Variants in NACA2 observed in about 807,000 individuals in gnomAD.
NACA2 encodes the protein nascent polypeptide associated complex subunit alpha 2, also known as nascent polypeptide-associated complex subunit alpha-2.
NACA2 carries 9 observed loss-of-function variants against 15.6 expected under a neutral mutation model. The ratio of observed to expected loss-of-function variants is 0.58; its 90% CI spans 0.35 to 1.00. The LOEUF (loss-of-function observed/expected upper bound fraction) is 1.00. Among genes scored for constraint, NACA2 ranks in the 50% least tolerant of loss-of-function variants. The probability of loss-of-function intolerance (pLI) is 0.02; values close to 1 mark genes in which losing one functional copy is unlikely to be tolerated. For synonymous variants in NACA2, 111 were observed against 100.5 expected (o/e 1.10, Z -0.62); for missense variants, 258 against 257.5 (o/e 1.00, Z -0.01).
Position 61,590,544 on chromosome 17 carries a change from AT to A in NACA2, c.636del (p.Glu212AspfsTer2). On this transcript the variant is annotated frameshift_variant, in exon 1 of 1. Transcript: ENST00000521764. LOFTEE classifies it high-confidence loss of function. ...NSNDIVNAIM[E>X]LTV ...TTGCTTTCAGATGGTTACACTGTTA[AT>A]TCCATAATCGCATTTACAATATCAT... is the stretch of plus-strand genomic sequence containing the variant. The A allele has an allele frequency of 6.2e-7, 1 of 1,614,238 alleles. No individual in the cohort carries two copies. Among genetic ancestry groups the A allele is most frequent in the Non-Finnish European group, 8.5e-7 (1 of 1,180,044 alleles).
Position 61,590,875 on chromosome 17 carries a change from G to A in NACA2, c.306C>T (p.Ile102=), listed in dbSNP as rs182692533. ...CGTCCAGTTTTGTGATGACAAAGAGGATATTCTTAGATTTCCAGATAGTGA... is the reference window on the plus strand; with the variant it reads ...CGTCCAGTTTTGTGATGACAAAGAGAATATTCTTAGATTTCCAGATAGTGA... The part of the protein sequence containing the change: ...TRVTIWKSKN[I]LFVITKLDVY... Residue 102 remains isoleucine (I), a synonymous_variant, in exon 1 of 1, where the codon ATC becomes ATT. Transcript: ENST00000521764. 1 of 1,614,074 alleles carries A rather than the reference G, an allele frequency of 6.2e-7. No homozygotes were observed. The highest frequency in any genetic ancestry group is 1.3e-5 in the African/African-American group (1 of 75,038).
rs371084031 is a variant in NACA2, at chr17:61,591,218, A to T, written c.-38T>A. The T allele has an allele frequency of 3.8e-4, 610 of 1,613,494 alleles. No individual in the cohort carries two copies. The highest frequency in any genetic ancestry group is 4.6e-4 in the Non-Finnish European group (547 of 1,180,036). ...ACGCGGAAGCAAGATGGCGGCAGAA[A>T]GAGCGCGAGCGAGAGCGTGACCCAC... On this transcript the variant is annotated 5_prime_UTR_variant, in exon 1 of 1. Coordinates refer to ENST00000521764, the MANE Select transcript of NACA2 (RefSeq NM_199290.4).
rs745394073 is a variant in NACA2, at chr17:61,590,890, C to G, written c.291G>C (p.Trp97Cys). 15 of 1,614,196 alleles carry G rather than the reference C, an allele frequency of 9.3e-6. No individual in the cohort carries two copies. Among genetic ancestry groups the G allele is most frequent in the Non-Finnish European group, 1.3e-5 (15 of 1,180,044 alleles). The change falls in exon 1 of 1, where the codon TGG becomes TGC. Residue 97 changes from tryptophan to cysteine, a missense_variant. Coordinates refer to ENST00000521764, the MANE Select transcript of NACA2 (RefSeq NM_199290.4). Reference protein sequence around the residue: ...QVTGVTRVTIWKSKNILFVIT... With the variant: ...QVTGVTRVTICKSKNILFVIT... ...TGACAAAGAGGATATTCTTAGATTT[C>G]CAGATAGTGACTCTAGTAACTCCTG...
chr17:61,590,594 A>C lies in NACA2; in HGVS notation c.587T>G (p.Val196Gly), dbSNP rs772715534. 6.2e-7 allele frequency: 1 copy of C among 1,614,064 alleles called. No homozygotes were observed. The highest frequency in any genetic ancestry group is 1.7e-5 in the Admixed American group (1 of 60,002). Residue 196 changes from valine (V) to glycine (G), a missense_variant, in exon 1 of 1, where the codon GTC becomes GGC. Val to Gly is a moderately radical substitution (Grantham distance 109). Coordinates refer to ENST00000521764, the MANE Select transcript of NACA2 (RefSeq NM_199290.4). ...SQANVSRAKA[V>G]RALKNNSNDI... is the part of the protein sequence containing the mutation. ...ATTACTGTTGTTCTTCAGAGCTCGG[A>C]CTGCCTTTGCTCTCGACACATTTGC...
Position 61,590,920 on chromosome 17 carries a change from C to T in NACA2, c.261G>A (p.Gln87=). The change falls in exon 1 of 1, where the codon CAG becomes CAA. Residue 87 remains glutamine (Q), a synonymous_variant. Transcript: ENST00000521764. ...RKAMSKLGLL[Q]VTGVTRVTIW... The stretch of plus-strand genomic sequence containing the variant: ...TAGTGACTCTAGTAACTCCTGTAAC[C>T]TGTAGAAGACCCAGTTTGGACATAG... 1 of 1,614,232 alleles carries T rather than the reference C, an allele frequency of 6.2e-7. No homozygotes were observed. Among genetic ancestry groups the T allele is most frequent in the Non-Finnish European group, 8.5e-7 (1 of 1,180,044 alleles).
rs773814245 is a variant in NACA2, at chr17:61,590,950, C to T, written c.231G>A (p.Arg77=). Residue 77 remains arginine, a synonymous_variant, in exon 1 of 1, where the codon CGG becomes CGA. Transcript: ENST00000521764. ...AKQSRSEKRA[R]KAMSKLGLLQ... ...GAAGACCCAGTTTGGACATAGCCTTCCGTGCCCTCTTTTCACTCCGACTCT... is the reference window on the plus strand; with the variant it reads ...GAAGACCCAGTTTGGACATAGCCTTTCGTGCCCTCTTTTCACTCCGACTCT... 8.1e-6 allele frequency: 13 copies of T among 1,614,234 alleles called. No individual in the cohort carries two copies. Among genetic ancestry groups the T allele is most frequent in the Non-Finnish European group, 1.1e-5 (13 of 1,180,042 alleles).
At position 61,590,907 on chromosome 17, in the gene NACA2, TAAC is replaced by T; in HGVS notation, c.271_273del (p.Val91del). The T allele has an allele frequency of 6.2e-7, 1 of 1,614,232 alleles. No individual in the cohort carries two copies. The highest frequency in any genetic ancestry group is 8.5e-7 in the Non-Finnish European group (1 of 1,180,044). ...TTAGATTTCCAGATAGTGACTCTAG[TAAC>T]TCCTGTAACCTGTAGAAGACCCAGT... On this transcript the variant is annotated inframe_deletion, in exon 1 of 1. Transcript: ENST00000521764.
Position 61,590,828 on chromosome 17 carries a change from T to C in NACA2, c.353A>G (p.Asp118Gly). ...GGCTTCCCCAAAAACTATGTAGGCA[T>C]CCGAAGCAGGGCTCTTGTAGACGTC... ...KLDVYKSPASDAYIVFGEAKI... is the reference protein window; with the variant it reads ...KLDVYKSPASGAYIVFGEAKI... The change falls in exon 1 of 1, where the codon GAT becomes GGT. Residue 118 changes from aspartate (D) to glycine (G), a missense_variant. Coordinates refer to ENST00000521764, the MANE Select transcript of NACA2 (RefSeq NM_199290.4). 6.2e-7 allele frequency: 1 copy of C among 1,614,100 alleles called. No homozygotes were observed. The highest frequency in any genetic ancestry group is 8.5e-7 in the Non-Finnish European group (1 of 1,179,952).
In NACA2 at chr17:61,590,818, T is replaced by C; in HGVS notation, c.363A>G (p.Ile121Met). The change falls in exon 1 of 1, where the codon ATA becomes ATG. Residue 121 changes from isoleucine (I) to methionine (M), a missense_variant. By Grantham distance (10) the Ile-to-Met change is conservative (BLOSUM62 1). Transcript: ENST00000521764. ...VYKSPASDAYIVFGEAKIQDL... is the reference protein window; with the variant it reads ...VYKSPASDAYMVFGEAKIQDL... Reference sequence around the variant, plus strand: ...CTTGGATCTTGGCTTCCCCAAAAACTATGTAGGCATCCGAAGCAGGGCTCT... The same window carrying C: ...CTTGGATCTTGGCTTCCCCAAAAACCATGTAGGCATCCGAAGCAGGGCTCT... 1 of 1,614,216 alleles carries C rather than the reference T, an allele frequency of 6.2e-7. No individual in the cohort carries two copies. The highest frequency in any genetic ancestry group is 8.5e-7 in the Non-Finnish European group (1 of 1,180,038).
In NACA2 at chr17:61,590,567, T is replaced by C; in HGVS notation, c.614A>G (p.Asp205Gly). The change falls in exon 1 of 1, where the codon GAT (aspartate) becomes GGT (glycine). Residue 205 changes from aspartate (D) to glycine (G), a missense_variant. Coordinates refer to ENST00000521764, the MANE Select transcript of NACA2 (RefSeq NM_199290.4). ...AVRALKNNSN[D>G]IVNAIMELTV Reference sequence around the variant, plus strand: ...TAATTCCATAATCGCATTTACAATATCATTACTGTTGTTCTTCAGAGCTCG... The same window carrying C: ...TAATTCCATAATCGCATTTACAATACCATTACTGTTGTTCTTCAGAGCTCG... 1 of 1,614,196 alleles carries C rather than the reference T, an allele frequency of 6.2e-7. No individual in the cohort carries two copies. Among genetic ancestry groups the C allele is most frequent in the Non-Finnish European group, 8.5e-7 (1 of 1,180,032 alleles).
Position 61,591,189 on chromosome 17 carries a change from G to A in NACA2, c.-9C>T, listed in dbSNP as rs747159246. ...GTGGCTTCGCCCGGCATTTTGTGCA[G>A]GGAACGCGGAAGCAAGATGGCGGCA... On this transcript the variant is annotated 5_prime_UTR_variant, in exon 1 of 1. Coordinates refer to ENST00000521764, the MANE Select transcript of NACA2 (RefSeq NM_199290.4). 1.2e-6 allele frequency: 2 copies of A among 1,614,060 alleles called. No individual in the cohort carries two copies. The highest frequency in any genetic ancestry group is 1.7e-5 in the Admixed American group (1 of 60,010).
At position 61,590,640 on chromosome 17, in the gene NACA2, C is replaced by T. The variant is rs375059815; in HGVS notation, c.541G>A (p.Val181Met). The T allele has an allele frequency of 6.8e-6, 11 of 1,614,198 alleles. No individual in the cohort carries two copies. Among genetic ancestry groups the T allele is most frequent in the Middle Eastern group, 1.6e-4 (1 of 6,062 alleles). ...VDETGVEVKD[V>M]KLVMSQANVS... ...TTTGCTTGTGACATGACCAATTTCA[C>T]GTCTTTAACTTCTACACCTGTTTCA... The change falls in exon 1 of 1, where the codon GTG (valine) becomes ATG (methionine). Residue 181 changes from valine to methionine, a missense_variant. Coordinates refer to ENST00000521764, the MANE Select transcript of NACA2 (RefSeq NM_199290.4).
rs1569074960 is a variant in NACA2 at position 61,590,719 on chromosome 17, T to C, written c.462A>G (p.Gln154=). Reference sequence around the variant, plus strand: ...GTACAGTTGGAGTCTGTGTGTTTTCTTGAATGTTTCCGACAGCTTCACCTT... The same window carrying C: ...GTACAGTTGGAGTCTGTGTGTTTTCCTGAATGTTTCCGACAGCTTCACCTT... The part of the protein sequence containing the change: ...RVQGEAVGNI[Q]ENTQTPTVQE... The change falls in exon 1 of 1, where the codon CAA becomes CAG. Residue 154 remains glutamine, a synonymous_variant. Transcript: ENST00000521764. 2 of 1,614,232 alleles carry C rather than the reference T, an allele frequency of 1.2e-6. No individual in the cohort carries two copies. Among genetic ancestry groups the C allele is most frequent in the Non-Finnish European group, 1.7e-6 (2 of 1,180,038 alleles).
rs766543135 is a variant in NACA2, at chr17:61,590,962, T to C, written c.219A>G (p.Glu73=). The change falls in exon 1 of 1, where the codon GAA becomes GAG. Residue 73 remains glutamate (E), a synonymous_variant. Transcript: ENST00000521764. ...PVGKAKQSRS[E]KRARKAMSKL... ...TGGACATAGCCTTCCGTGCCCTCTT[T>C]TCACTCCGACTCTGTTTTGCTTTAC... is the stretch of plus-strand genomic sequence containing the variant. 3 of 1,614,116 alleles carry C rather than the reference T, an allele frequency of 1.9e-6. No homozygotes were observed. The African/African-American group carries it at 4.0e-5, about 22-fold the overall frequency.
rs770861153 is a variant in NACA2 at position 61,591,064 on chromosome 17, T to C, written c.117A>G (p.Glu39=). ...TGGTGGTCTGGGTGGAATCCTGTTC[T>C]TCAATCCCTGGTACTGATTCACCAC... ...SDSGESVPGI[E]EQDSTQTTTQ... The change falls in exon 1 of 1, where the codon GAA becomes GAG. Residue 39 remains glutamate, a synonymous_variant. Coordinates refer to ENST00000521764, the MANE Select transcript of NACA2 (RefSeq NM_199290.4). The C allele has an allele frequency of 1.9e-6, 3 of 1,614,272 alleles. No individual in the cohort carries two copies. In the South Asian group the frequency reaches 3.3e-5, roughly 18 times the overall value.
chr17:61,591,030 C>T lies in NACA2; in HGVS notation c.151G>A (p.Ala51Thr). ...ATTTCAGCTGCTGCCACCAGCCAGGCTTTTTGTGTGGTGGTCTGGGTGGAA... is the reference window on the plus strand; with the variant it reads ...ATTTCAGCTGCTGCCACCAGCCAGGTTTTTTGTGTGGTGGTCTGGGTGGAA... ...QDSTQTTTQKAWLVAAAEIDE... is the reference protein window; with the variant it reads ...QDSTQTTTQKTWLVAAAEIDE... Residue 51 changes from alanine (A) to threonine (T), a missense_variant, in exon 1 of 1, where the codon GCC (alanine) becomes ACC (threonine). Transcript: ENST00000521764. 6.2e-7 allele frequency: 1 copy of T among 1,614,218 alleles called. No homozygotes were observed. The highest frequency in any genetic ancestry group is 8.5e-7 in the Non-Finnish European group (1 of 1,180,048).
chr17:61,590,425 C>CT lies in NACA2; in HGVS notation c.*107dup. 8.5e-7 allele frequency: 1 copy of CT among 1,173,236 alleles called. No individual in the cohort carries two copies. 72.7% of individuals were successfully genotyped at this position (1,173,236 alleles called of 1,614,324 possible). On this transcript the variant is annotated 3_prime_UTR_variant, in exon 1 of 1. Transcript: ENST00000521764. ...AAAAAGAGAGCATTTCTTTTCTTTT[C>CT]TTTTTCCAGCAAGAAGTCATAACTT...
rs879180895 is a variant in NACA2 at position 61,590,924 on chromosome 17, A to G, written c.257T>C (p.Leu86Pro). The change falls in exon 1 of 1, where the codon CTA becomes CCA. Residue 86 changes from leucine (L) to proline (P), a missense_variant. Physicochemically the swap from Leu to Pro is moderately conservative, Grantham distance 98. Transcript: ENST00000521764. ...ARKAMSKLGL[L>P]QVTGVTRVTI... ...GACTCTAGTAACTCCTGTAACCTGT[A>G]GAAGACCCAGTTTGGACATAGCCTT... is the stretch of plus-strand genomic sequence containing the variant. The G allele has an allele frequency of 6.2e-7, 1 of 1,614,240 alleles. No individual in the cohort carries two copies. The highest frequency in any genetic ancestry group is 8.5e-7 in the Non-Finnish European group (1 of 1,180,044).
chr17:61,591,092 T>G lies in NACA2; in HGVS notation c.89A>C (p.Asp30Ala). ...QAETGSGTASDSGESVPGIEE... is the reference protein window; with the variant it reads ...QAETGSGTASASGESVPGIEE... ...AATCCCTGGTACTGATTCACCACTA[T>G]CAGATGCTGTTCCAGACCCTGTCTC... Residue 30 changes from aspartate (D) to alanine (A), a missense_variant, in exon 1 of 1, where the codon GAT becomes GCT. Coordinates refer to ENST00000521764, the MANE Select transcript of NACA2 (RefSeq NM_199290.4). 6.2e-7 allele frequency: 1 copy of G among 1,614,260 alleles called. No homozygotes were observed. Among genetic ancestry groups the G allele is most frequent in the Non-Finnish European group, 8.5e-7 (1 of 1,180,044 alleles).
Sources: allele counts gnomAD v4.1 joint callset, GRCh38; gene constraint gnomAD v4.1.1; transcripts MANE v1.5; gene names NCBI Gene and HGNC (gene_info 2026-07-23, HGNC 2026-07-21).